Variants in LARGE1 observed in about 807,000 individuals in gnomAD.
The protein encoded by LARGE1 is LARGE xylosyl- and glucuronyltransferase 1.
LARGE1 carries 43 observed loss-of-function variants against 87.6 expected under a neutral mutation model. That is an observed-to-expected ratio of 0.49 (90% CI 0.38 to 0.63). The LOEUF (loss-of-function observed/expected upper bound fraction) is 0.63, where lower values mean the gene tolerates loss of function less well. Among genes scored for constraint, LARGE1 ranks in the 30% least tolerant of loss-of-function variants. LARGE1 has a pLI of 0.00. For missense variants in LARGE1, 802 were observed against 1,000.2 expected (o/e 0.80, Z 2.67); for synonymous variants, 434 against 394.6 (o/e 1.10, Z -1.18).
At chr22:33,636,811 C>T (rs2080281657) in intron 3 of LARGE1, among the ~76,000 whole-genome samples, 1 of 152,000 alleles carries the variant, frequency 6.6e-6, no homozygotes, top group African/African-American at 2.4e-5. Flanking sequence ...GGATTACAGG[C>T]ATGAGCCACC....
intron 11 of LARGE1, among the ~76,000 whole-genome samples, chr22:33,259,102 A>T (rs530740438): frequency 4.0e-5 from 6 of 150,882 alleles, no homozygotes; most frequent in Admixed American, 2.6e-4. Flanking sequence ...ATGGTCTTGA[A>T]CTCCTGACCT....
intron 1 of LARGE1, among the ~76,000 whole-genome samples, chr22:33,855,098 G>A (rs2063719574): frequency 6.6e-6 from 1 of 152,182 alleles, no homozygotes; most frequent in Non-Finnish European, 1.5e-5. Context: ...ACTTTGGGAG[G>A]CCGAGAAGGG....
intron 11 of LARGE1, among the ~76,000 whole-genome samples, chr22:33,254,317 GC>G (rs1358050576): frequency 6.6e-6 from 1 of 152,164 alleles, no homozygotes. Flanking sequence ...TGTGTTGGAA[GC>G]AGGGGACAAA....
At chr22:33,544,122 T>A (rs575212729) in intron 6 of LARGE1, among the ~76,000 whole-genome samples, 1 of 152,228 alleles carries the variant, frequency 6.6e-6, no homozygotes, top group Non-Finnish European at 1.5e-5. Flanking sequence ...GGAATTGGCA[T>A]GTCCTGCGTG....
intron 1 of LARGE1, among the ~76,000 whole-genome samples, chr22:33,832,687 G>T (rs1027765912): frequency 1.3e-5 from 2 of 152,312 alleles, no homozygotes; most frequent in East Asian, 3.9e-4. Context: ...TACTGGCTGG[G>T]GCTCCCAGCT....
chr22:33,453,971 T>C lies in LARGE1; in HGVS notation c.788-21706A>G, dbSNP rs367892855. ...TCAGAATCACAAATATCAGAGCTCA[T>C]TGCCTTAGTGTCAAGTAATTATTAG... On this transcript the variant is annotated intron_variant, in intron 6 of 14. Coordinates refer to ENST00000397394, the MANE Select transcript of LARGE1 (RefSeq NM_133642.5). Among the ~76,000 whole-genome samples the C allele has an allele frequency of 2.6e-4, 40 of 152,308 alleles. No individual in the cohort carries two copies. The South Asian group carries it at 2.9e-3, about 11-fold the overall frequency.
chr22:33,861,860 C>CTT (rs59657748), intron 1 of LARGE1, among the ~76,000 whole-genome samples: 25,287 of 116,864 alleles, frequency 0.22, 3,704 homozygotes, highest in African/African-American at 0.37. Flanking sequence ...CCCAGACATT[C>CTT]TTTTTTTTTT....
chr22:33,568,731 A>C (rs1157671889), intron 5 of LARGE1, among the ~76,000 whole-genome samples: 2 of 137,120 alleles, frequency 1.5e-5, no homozygotes, highest in Non-Finnish European at 3.1e-5. Context: ...GCACCATTGC[A>C]CTCCAGCCTG....
the LARGE1 span, among the ~76,000 whole-genome samples, chr22:33,144,468 T>C: frequency 1.2e-4 from 19 of 152,216 alleles, no homozygotes; most frequent in East Asian, 1.4e-3. Flanking sequence ...TATATATATA[T>C]ATACACACAT....
intron 6 of LARGE1, among the ~76,000 whole-genome samples, chr22:33,519,312 C>G (rs1311381543): frequency 6.6e-6 from 1 of 152,026 alleles, no homozygotes. Context: ...GGGGGGCTCC[C>G]TGGGGTTGGA....
chr22:33,314,826 G>C (rs1242257508), intron 11 of LARGE1, among the ~76,000 whole-genome samples: 1 of 152,212 alleles, frequency 6.6e-6, no homozygotes, highest in Non-Finnish European at 1.5e-5. Flanking sequence ...ACCTGGAATG[G>C]CCAAGTATAG....
At chr22:33,474,320 T>C (rs1015785776) in intron 6 of LARGE1, among the ~76,000 whole-genome samples, 4 of 152,150 alleles carry the variant, frequency 2.6e-5, no homozygotes, top group Non-Finnish European at 4.4e-5. Context: ...TGCACCACCA[T>C]GCCTGGCTAA....
At chr22:33,522,588 T>A (rs944395458) in intron 6 of LARGE1, among the ~76,000 whole-genome samples, 3 of 152,038 alleles carry the variant, frequency 2.0e-5, no homozygotes, top group Admixed American at 2.0e-4. Context: ...ATCCCAGCAC[T>A]TTGGGAGGCC....
intron 5 of LARGE1, chr22:33,572,234 A>C (rs1187099989): frequency 7.8e-7 from 1 of 1,279,520 alleles, no homozygotes; most frequent in Admixed American, 2.5e-5. Flanking sequence ...AGAATGTTTG[A>C]AAAGTCATTT....
Position 33,329,387 on chromosome 22 carries a change from T to C in LARGE1, c.1287+8259A>G, listed in dbSNP as rs1937507874. 3.3e-5 allele frequency among the ~76,000 whole-genome samples: 5 copies of C among 152,294 alleles called. 1 individual carries two copies. The South Asian group carries it at 8.3e-4, about 25-fold the overall frequency. On this transcript the variant is annotated intron_variant, in intron 10 of 14. Transcript: ENST00000397394. ...CTTTTAACATAACAACAGATCATTCTTTTACCATCAGTCTTTCTAAATTAA... is the reference window on the plus strand; with the variant it reads ...CTTTTAACATAACAACAGATCATTCCTTTACCATCAGTCTTTCTAAATTAA...
intron 6 of LARGE1, among the ~76,000 whole-genome samples, chr22:33,481,626 C>T (rs929128076): frequency 1.3e-5 from 2 of 152,126 alleles, no homozygotes; most frequent in East Asian, 1.9e-4. Context: ...CCACCATTCA[C>T]GGCAGGTATA....
At position 33,223,030 on chromosome 22, in the gene LARGE1, C is replaced by T. The variant is rs571282348; in HGVS notation, c.1731-56198G>A. ...AAGAGCCTGCCCCTATCAGGGGAGA[C>T]GCATGGGTGTGAAGTTGTGCCAGCA... is the stretch of plus-strand genomic sequence containing the variant. On this transcript the variant is annotated intron_variant, in intron 11 of 11. Transcript: ENST00000608642. Among the ~76,000 whole-genome samples the T allele has an allele frequency of 1.5e-3, 225 of 152,224 alleles. 1 individual carries two copies. Among genetic ancestry groups the T allele is most frequent in the African/African-American group, 3.5e-3 (145 of 41,518 alleles).
At chr22:33,133,649 T>C in the LARGE1 span, among the ~76,000 whole-genome samples, 1 of 152,226 alleles carries the variant, frequency 6.6e-6, no homozygotes, top group Non-Finnish European at 1.5e-5. Context: ...TATGTGTGCA[T>C]GTGTCTTTAT....
At chr22:33,810,651 C>A (rs888434571) in intron 1 of LARGE1, among the ~76,000 whole-genome samples, 1 of 152,068 alleles carries the variant, frequency 6.6e-6, no homozygotes, top group African/African-American at 2.4e-5. Context: ...TATCAGGATC[C>A]CAGAGTGAAG....
Sources: gnomAD v4.1 joint callset for allele counts (sites outside exome capture counted in the v4.1 genomes callset) on GRCh38, gnomAD v4.1.1 for gene constraint, MANE v1.5 for transcripts, NCBI Gene and HGNC (gene_info 2026-07-23, HGNC 2026-07-21) for gene names.